ZNF280B: variants seen among roughly 807,000 people sequenced by gnomAD.
ZNF280B encodes the protein zinc finger protein 280B.
ZNF280B carries 16 observed loss-of-function variants against 38.0 expected under a neutral mutation model. That is an observed-to-expected ratio of 0.42 (90% CI 0.28 to 0.64). The LOEUF (loss-of-function observed/expected upper bound fraction) is 0.64. ZNF280B is among the 30% of genes least tolerant of loss of function. The pLI is 0.21. For synonymous variants in ZNF280B, 253 were observed against 230.6 expected, an observed-to-expected ratio of 1.10 and a Z score of -0.88; for missense variants, 581 against 639.6, an observed-to-expected ratio of 0.91 and a Z score of 0.99.
Position 22,487,918 on chromosome 22 carries a change from CCTT to C in ZNF280B, c.1478_1480del (p.Glu493del). On this transcript the variant is annotated inframe_deletion, in exon 4 of 4. Transcript: ENST00000626650. ...AGTAACTTTTGTTTCAGGAGGTAATCCTTCTAGTTGCTTAGGCTTCTTAAACAT... is the reference window on the plus strand; with the variant it reads ...AGTAACTTTTGTTTCAGGAGGTAATCCTAGTTGCTTAGGCTTCTTAAACAT... 1.2e-6 allele frequency: 2 copies of C among 1,613,726 alleles called. No homozygotes were observed. Among genetic ancestry groups the C allele is most frequent in the South Asian group, 1.1e-5 (1 of 91,058 alleles).
In ZNF280B at chr22:22,489,461, T is replaced by C. The variant is rs887322023; in HGVS notation, c.-63A>G. On this transcript the variant is annotated 5_prime_UTR_variant, in exon 4 of 4. Transcript: ENST00000626650. ...GTCCCAATGCTTCCTTTATATAAAC[T>C]GCCACCTAAGTACAAACATACATCA... The C allele has an allele frequency of 1.4e-6, 2 of 1,421,944 alleles. No homozygotes were observed. The highest frequency in any genetic ancestry group is 1.4e-5 in the South Asian group (1 of 72,192). The allele number at this position is 1,421,944 out of a possible 1,614,324, so 88.1% of individuals were successfully genotyped here.
At chr22:22,492,887 A>G (rs2061625004) in intron 3 of ZNF280B, among the ~76,000 whole-genome samples, 1 of 97,712 alleles carries the variant, frequency 1.0e-5, no homozygotes, top group Non-Finnish European at 2.0e-5. Context: ...CTGCATCTCA[A>G]AAAAAAAAAA....
intron 2 of ZNF280B, among the ~76,000 whole-genome samples, chr22:22,499,726 T>C (rs1030820593): frequency 3.3e-5 from 5 of 152,028 alleles, no homozygotes; most frequent in African/African-American, 1.2e-4. Flanking sequence ...ACAGCTATTA[T>C]AGTATCATAC....
At position 22,486,167 on chromosome 22, in the gene ZNF280B, T is replaced by G. The variant is rs1349541507; in HGVS notation, c.*1600A>C. On this transcript the variant is annotated 3_prime_UTR_variant, in exon 4 of 4. Transcript: ENST00000626650. ...CTGGGAAACTATACATTTAACAGAA[T>G]AGCTGCAAGCTGTAATACATTCATG... 3.3e-5 allele frequency: 5 copies of G among 152,020 alleles called. No individual in the cohort carries two copies. Among genetic ancestry groups the G allele is most frequent in the Non-Finnish European group, 5.9e-5 (4 of 68,022 alleles). The allele number at this position is 152,020 out of a possible 1,614,324, so 9.4% of individuals were successfully genotyped here.
At position 22,486,514 on chromosome 22, in the gene ZNF280B, T is replaced by G. The variant is rs1173514012; in HGVS notation, c.*1253A>C. The G allele has an allele frequency of 6.6e-6, 1 of 152,468 alleles. No individual in the cohort carries two copies. The highest frequency in any genetic ancestry group is 1.5e-5 in the Non-Finnish European group (1 of 68,082). 9.4% of individuals were successfully genotyped at this position (152,468 alleles called of 1,614,324 possible). A position where few individuals can be genotyped will look rare whatever the true frequency, so the allele number is the denominator to read the frequency against. On this transcript the variant is annotated 3_prime_UTR_variant, in exon 4 of 4. Transcript: ENST00000626650. ...TGCTTTACAGCTGTGGCTGAGAATATGGCCAGTTCATTCTCCACTAACGGC... is the reference window on the plus strand; with the variant it reads ...TGCTTTACAGCTGTGGCTGAGAATAGGGCCAGTTCATTCTCCACTAACGGC...
intron 2 of ZNF280B, among the ~76,000 whole-genome samples, chr22:22,496,236 A>G (rs552918216): frequency 2.0e-5 from 3 of 150,034 alleles, no homozygotes; most frequent in Non-Finnish European, 4.4e-5. Context: ...AGCTGGGACT[A>G]TAGGTGTGCG....
chr22:22,508,212 T>C (rs1381212286), intron 1 of ZNF280B, among the ~76,000 whole-genome samples: 1 of 151,870 alleles, frequency 6.6e-6, no homozygotes, highest in African/African-American at 2.4e-5. Context: ...GACCCATACA[T>C]TCAAATGCCT....
At chr22:22,501,840 C>T (rs2061831706) in intron 2 of ZNF280B, among the ~76,000 whole-genome samples, 1 of 151,856 alleles carries the variant, frequency 6.6e-6, no homozygotes, top group Non-Finnish European at 1.5e-5. Flanking sequence ...TGAGACCCTA[C>T]CTCTACAAAA....
chr22:22,504,846 G>A (rs1049930983), intron 2 of ZNF280B, among the ~76,000 whole-genome samples: 6 of 151,926 alleles, frequency 3.9e-5, no homozygotes, highest in Admixed American at 6.6e-5. Flanking sequence ...TATTTGAGAC[G>A]AATTTAAGAA....
chr22:22,488,574 A>G lies in ZNF280B; in HGVS notation c.825T>C (p.Asp275=), dbSNP rs775123707. 5 of 1,613,718 alleles carry G rather than the reference A, an allele frequency of 3.1e-6. No homozygotes were observed. The highest frequency in any genetic ancestry group is 2.7e-5 in the African/African-American group (2 of 74,814). ...ACACAATGGGATTTTCTTTCTTGGG[A>G]TCAAAGGTCTTGTTTTGACTTGTTA... ...LSLTSQNKTF[D]PKKENPIVLL... Residue 275 remains aspartate (D), a synonymous_variant, in exon 4 of 4, where the codon GAT becomes GAC. Coordinates refer to ENST00000626650, the MANE Select transcript of ZNF280B (RefSeq NM_080764.4).
At chr22:22,489,634 C>G (rs990040100) in intron 3 of ZNF280B, among the ~76,000 whole-genome samples, 168 bp from the exon 4 acceptor site, 1 of 151,548 alleles carries the variant, frequency 6.6e-6, no homozygotes, top group Non-Finnish European at 1.5e-5. Flanking sequence ...TCCTATGAAT[C>G]TAGAATCATA....
intron 2 of ZNF280B, among the ~76,000 whole-genome samples, chr22:22,495,708 G>GT (rs935360539): frequency 5.9e-4 from 90 of 151,992 alleles, no homozygotes; most frequent in African/African-American, 2.0e-3. Flanking sequence ...TTTTCTCTCA[G>GT]TTTAGTCTGT....
Position 22,488,509 on chromosome 22 carries a change from C to T in ZNF280B, c.890G>A (p.Gly297Glu), listed in dbSNP as rs959749842. ...GGTGTGAGTCTTCTGTTCCGGCTGC[C>T]CTTCTCCTTTATGCTGTCCATAGTA... ...DFYYGQHKGE[G>E]QPEQKTHTTF... The change falls in exon 4 of 4, where the codon GGG becomes GAG. Residue 297 changes from glycine (G) to glutamate (E), a missense_variant. Physicochemically the swap from Gly to Glu is moderately conservative, Grantham distance 98. Transcript: ENST00000626650. The T allele has an allele frequency of 6.2e-7, 1 of 1,613,782 alleles. No homozygotes were observed. The highest frequency in any genetic ancestry group is 8.5e-7 in the Non-Finnish European group (1 of 1,179,978).
At chr22:22,508,820 C>G (rs956881283), upstream of ZNF280B, 2 of 151,978 alleles carry the variant, frequency 1.3e-5, no homozygotes, top group Non-Finnish European at 2.9e-5. Flanking sequence ...GATTGGCTGC[C>G]AGGTGCCGGC....
At chr22:22,490,329 TTAAC>T (rs1404676892) in intron 3 of ZNF280B, among the ~76,000 whole-genome samples, 2 of 151,942 alleles carry the variant, frequency 1.3e-5, no homozygotes, top group Non-Finnish European at 2.9e-5. Context: ...GGCTTTCTGA[TTAAC>T]TGAGAGTAAA....
At chr22:22,503,975 C>G (rs1486067822) in intron 2 of ZNF280B, among the ~76,000 whole-genome samples, 1 of 151,930 alleles carries the variant, frequency 6.6e-6, no homozygotes, top group African/African-American at 2.4e-5. Flanking sequence ...CATTTTGTTT[C>G]AAACTTATAC....
At chr22:22,501,886 C>A (rs1316177672) in intron 2 of ZNF280B, among the ~76,000 whole-genome samples, 1 of 151,612 alleles carries the variant, frequency 6.6e-6, no homozygotes, top group African/African-American at 2.4e-5. Context: ...AGAGTGTGCC[C>A]GTGATCACAT....
rs536776789 is a variant in ZNF280B at position 22,497,752 on chromosome 22, GT to G, written c.-186-3573del. On this transcript the variant is annotated intron_variant, in intron 2 of 3. Transcript: ENST00000626650. ...CACTAGCAAAAACTACAAAAATCAC[GT>G]TTTTCAGATCCTGGAAATTAACGAA... Among the ~76,000 whole-genome samples, 31 of 151,958 alleles carry G rather than the reference GT, an allele frequency of 2.0e-4. No homozygotes were observed. In the East Asian group the frequency reaches 5.9e-3, roughly 29 times the overall value.
At chr22:22,491,025 A>G (rs1205475801) in intron 3 of ZNF280B, among the ~76,000 whole-genome samples, 1 of 151,390 alleles carries the variant, frequency 6.6e-6, no homozygotes, top group Non-Finnish European at 1.5e-5. Flanking sequence ...TATCTTGATT[A>G]TTTTCTATTG....
Sources: allele counts gnomAD v4.1 joint callset (sites outside exome capture counted in the v4.1 genomes callset), GRCh38; gene constraint gnomAD v4.1.1; transcripts MANE v1.5; gene names NCBI Gene and HGNC (gene_info 2026-07-23, HGNC 2026-07-21).